Variants in PIK3C3 observed in about 807,000 individuals in gnomAD.
The protein encoded by PIK3C3 is PI3-kinase type 3.
A neutral mutation model predicts 126.1 loss-of-function variants in PIK3C3; 95 were observed. That is an observed-to-expected ratio of 0.75 (90% confidence interval 0.64 to 0.89). PIK3C3 has a LOEUF of 0.89. Among genes scored for constraint, PIK3C3 ranks in the 40% least tolerant of loss-of-function variants. The pLI is 0.00. For missense variants in PIK3C3, 829 were observed against 1,063.2 expected (o/e 0.78, Z 3.06); for synonymous variants, 374 against 360.0 (o/e 1.04, Z -0.44).
Position 41,993,334 on chromosome 18 carries a change from T to A in PIK3C3, c.779T>A (p.Met260Lys), listed in dbSNP as rs369975212. 65 of 1,601,494 alleles carry A rather than the reference T, an allele frequency of 4.1e-5. No individual in the cohort carries two copies. Among genetic ancestry groups the A allele is most frequent in the Non-Finnish European group, 5.3e-5 (62 of 1,170,328 alleles). ...TTAGTGAAAGTTCCTGACCCCCAGA[T>A]GTCTATGGTAAGTTATTGTGCAATT... ...FELVKVPDPQ[M>K]SMENLVESKH... Residue 260 changes from methionine to lysine, a missense_variant, in exon 7 of 25, where the codon ATG becomes AAG. This residue lies in a region of PIK3C3 where 313 missense variants were observed against 340.7 expected (regional missense o/e 0.92). Transcript: ENST00000262039.
At chr18:42,022,964 A>G (rs1377149235) in intron 13 of PIK3C3, among the ~76,000 whole-genome samples, 1 of 152,206 alleles carries the variant, frequency 6.6e-6, no homozygotes, top group East Asian at 1.9e-4. Context: ...TTTCCTCATG[A>G]AAATCTAAAT....
At chr18:42,064,979 G>GA (rs1261339797) in intron 23 of PIK3C3, 149 bp downstream of exon 23, 4 of 534,756 alleles carry the variant, frequency 7.5e-6, no homozygotes, top group Non-Finnish European at 1.4e-5. Flanking sequence ...CATCTGGAGA[G>GA]ACAGTTTGCT....
rs1406676915 is a variant in PIK3C3 at position 42,085,197 on chromosome 18, T to A, written c.*4060T>A. On this transcript the variant is annotated 3_prime_UTR_variant, in exon 25 of 25. Coordinates refer to ENST00000262039, the MANE Select transcript of PIK3C3 (RefSeq NM_002647.4). ...ACTGGTAAGTGAAAGTTCATTTTGTTCAGTGCTATGGGCTGGTACATTGCA... is the reference window on the plus strand; with the variant it reads ...ACTGGTAAGTGAAAGTTCATTTTGTACAGTGCTATGGGCTGGTACATTGCA... 1 of 152,170 alleles carries A rather than the reference T, an allele frequency of 6.6e-6. No homozygotes were observed. Among genetic ancestry groups the A allele is most frequent in the Non-Finnish European group, 1.5e-5 (1 of 68,036 alleles). The allele number at this position is 152,170 out of a possible 1,614,324, so 9.4% of individuals were successfully genotyped here. A position where few individuals can be genotyped will look rare whatever the true frequency, so the allele number is the denominator to read the frequency against.
At chr18:42,076,196 A>ACATATATATATGCACATATATATATG (rs1568013972) in intron 24 of PIK3C3, among the ~76,000 whole-genome samples, 3 of 106,800 alleles carry the variant, frequency 2.8e-5, no homozygotes, top group Admixed American at 1.2e-4. Flanking sequence ...ATATATGCAC[A>ACATATATATATGCACATATATATATG]CATATATATA....
chr18:42,072,576 C>A (rs1985819767), intron 24 of PIK3C3, among the ~76,000 whole-genome samples: 1 of 152,158 alleles, frequency 6.6e-6, no homozygotes, highest in African/African-American at 2.4e-5. Context: ...TGTCGCCCCC[C>A]ACTGGAGTGC....
chr18:41,986,607 G>C (rs922758031), intron 4 of PIK3C3, among the ~76,000 whole-genome samples: 2 of 148,294 alleles, frequency 1.3e-5, no homozygotes, highest in African/African-American at 5.3e-5. Flanking sequence ...ACTCTTTTCT[G>C]TAGGTCACAT....
intron 4 of PIK3C3, among the ~76,000 whole-genome samples, chr18:41,972,136 T>C (rs554948733): frequency 6.6e-6 from 1 of 152,110 alleles, no homozygotes; most frequent in East Asian, 1.9e-4. Flanking sequence ...ATTTTAATCT[T>C]TTGAATTTTA....
At chr18:41,987,480 A>G (rs1981541052) in intron 4 of PIK3C3, among the ~76,000 whole-genome samples, 3 of 152,076 alleles carry the variant, frequency 2.0e-5, no homozygotes, top group South Asian at 4.1e-4. Flanking sequence ...TTTATTTCCC[A>G]TTCATGAAAC....
At chr18:42,018,637 T>C (rs9958749) in intron 12 of PIK3C3, among the ~76,000 whole-genome samples, 11,918 of 152,104 alleles carry the variant, frequency 0.078, 901 homozygotes, top group East Asian at 0.26. Flanking sequence ...ACTCGGACTT[T>C]ACTTAAGAAA....
rs183020689 is a variant in PIK3C3, at chr18:42,016,701, A to G, written c.1416+1135A>G. On this transcript the variant is annotated intron_variant, in intron 12 of 24. Coordinates refer to ENST00000262039, the MANE Select transcript of PIK3C3 (RefSeq NM_002647.4). ...GGTCCTAAGACCAGAGTTTAAGTGT[A>G]TATGTTTGAAGAACACCAGAAACTA... Among the ~76,000 whole-genome samples the G allele has an allele frequency of 7.0e-4, 106 of 152,256 alleles. 1 individual carries two copies. In the East Asian group the frequency reaches 0.019, roughly 28 times the overall value.
chr18:41,974,916 C>T (rs1186874032), intron 4 of PIK3C3, among the ~76,000 whole-genome samples: 1 of 152,194 alleles, frequency 6.6e-6, no homozygotes, highest in Non-Finnish European at 1.5e-5. Flanking sequence ...TCTCCACTGT[C>T]TCCTTTTCAT....
intron 3 of PIK3C3, among the ~76,000 whole-genome samples, chr18:41,968,300 A>T (rs11876547): frequency 0.038 from 5,837 of 152,282 alleles, 356 homozygotes; most frequent in African/African-American, 0.13. Context: ...AAGTGATATT[A>T]TCATCTCACT....
chr18:42,079,371 G>A (rs897584380), intron 24 of PIK3C3, among the ~76,000 whole-genome samples: 2 of 152,152 alleles, frequency 1.3e-5, no homozygotes, highest in African/African-American at 2.4e-5. Flanking sequence ...TGCAGACACG[G>A]TTCGTGGTGC....
intron 24 of PIK3C3, among the ~76,000 whole-genome samples, chr18:42,073,587 G>T (rs1460139291): frequency 4.6e-5 from 7 of 152,130 alleles, no homozygotes; most frequent in Admixed American, 4.6e-4. Flanking sequence ...CAGTTTCTAA[G>T]TGCAAACCAG....
chr18:42,030,902 T>G (rs920872851), intron 15 of PIK3C3, among the ~76,000 whole-genome samples: 1 of 152,168 alleles, frequency 6.6e-6, no homozygotes, highest in Non-Finnish European at 1.5e-5. Context: ...ACCTCAGTTT[T>G]AGCTCTTCTG....
At chr18:42,068,364 C>G (rs965626529) in intron 24 of PIK3C3, among the ~76,000 whole-genome samples, 2 of 152,128 alleles carry the variant, frequency 1.3e-5, no homozygotes, top group Admixed American at 1.3e-4. Context: ...GTGTAATACT[C>G]TCTTTCTCTA....
intron 20 of PIK3C3, among the ~76,000 whole-genome samples, chr18:42,045,250 A>G (rs1984509838): frequency 6.6e-6 from 1 of 152,184 alleles, no homozygotes; most frequent in Non-Finnish European, 1.5e-5. Context: ...AAGACTTAAA[A>G]ACACTGAAGA....
chr18:41,996,121 A>G lies in PIK3C3; in HGVS notation c.891+127A>G, dbSNP rs1982012302. 8.0e-5 allele frequency: 53 copies of G among 663,592 alleles called. 1 individual carries two copies. In the South Asian group the frequency reaches 9.6e-4, roughly 12 times the overall value. The allele number at this position is 663,592 out of a possible 1,614,324, so 41.1% of individuals were successfully genotyped here. The stretch of plus-strand genomic sequence containing the variant: ...TCTCCAGGTTGATGAATCCTACATC[A>G]TGTTCATAATTTCACAGATCAGCAG... On this transcript the variant is annotated intron_variant, in intron 8 of 24. Transcript: ENST00000262039.
chr18:41,970,231 C>T, intron 3 of PIK3C3, 96 bp from the exon 4 acceptor site: 1 of 1,005,030 alleles, frequency 9.9e-7, no homozygotes, highest in Non-Finnish European at 1.5e-6. Flanking sequence ...ATATACATTT[C>T]CATGTATAGA....
Sources: allele counts gnomAD v4.1 joint callset (sites outside exome capture counted in the v4.1 genomes callset), GRCh38; gene constraint gnomAD v4.1.1; regional missense constraint gnomAD v4.1.1; transcripts MANE v1.5; gene names NCBI Gene and HGNC (gene_info 2026-07-23, HGNC 2026-07-21).